The following PTCD2 variants were observed in gnomAD, a reference collection of about 807,000 sequenced individuals.
PTCD2 encodes pentatricopeptide repeat-containing protein 2, mitochondrial.
In PTCD2, 31 loss-of-function variants were observed where a neutral mutation model predicts 42.6. The observed-to-expected ratio is 0.73, with a 90% CI of 0.55 to 0.98. PTCD2 has a LOEUF of 0.98. PTCD2 is among the 50% of genes least tolerant of loss of function. The pLI is 0.00. For missense variants in PTCD2, 476 were observed against 454.8 expected (o/e 1.05, Z -0.42); for synonymous variants, 183 against 170.9 (o/e 1.07, Z -0.55).
chr5:72,352,116 G>C (rs1446375435), intron 8 of PTCD2, among the ~76,000 whole-genome samples: 1 of 152,056 alleles, frequency 6.6e-6, no homozygotes, highest in Non-Finnish European at 1.5e-5. Context: ...GCCCTCTCCA[G>C]TGTTACCCGT....
At chr5:72,327,995 GA>G (rs1177748682) in intron 3 of PTCD2, among the ~76,000 whole-genome samples, 7 of 151,896 alleles carry the variant, frequency 4.6e-5, no homozygotes, top group African/African-American at 7.3e-5. Flanking sequence ...TTTATAACAT[GA>G]AAAAAATGTC....
intron 4 of PTCD2, among the ~76,000 whole-genome samples, 189 bp from the exon 5 acceptor site, chr5:72,334,829 G>A (rs1751642960): frequency 6.6e-6 from 1 of 152,138 alleles, no homozygotes; most frequent in South Asian, 2.1e-4. Context: ...GATTATAGGC[G>A]TGAGCCACCA....
intron 9 of PTCD2, among the ~76,000 whole-genome samples, chr5:72,354,818 G>GA (rs1444119043): frequency 6.6e-6 from 1 of 152,156 alleles, no homozygotes; most frequent in African/African-American, 2.4e-5. Context: ...CAGCAGACTG[G>GA]AAAAAAGCCC....
chr5:72,354,032 A>G (rs541268982), intron 9 of PTCD2, among the ~76,000 whole-genome samples: 1 of 152,320 alleles, frequency 6.6e-6, no homozygotes, highest in Admixed American at 6.5e-5. Context: ...TGTGGCAAAA[A>G]GTCTACAAGC....
intron 8 of PTCD2, among the ~76,000 whole-genome samples, chr5:72,352,045 A>G (rs984524984): frequency 6.6e-6 from 1 of 152,234 alleles, no homozygotes; most frequent in Non-Finnish European, 1.5e-5. Context: ...GTCCAGAGTC[A>G]CTTAGCTGGT....
intron 2 of PTCD2, among the ~76,000 whole-genome samples, chr5:72,324,926 GT>G (rs1205652819): frequency 3.6e-4 from 52 of 145,496 alleles, no homozygotes; most frequent in African/African-American, 6.5e-4. Context: ...TTAAGGTGTT[GT>G]TTTTTTTTTT....
intron 4 of PTCD2, among the ~76,000 whole-genome samples, chr5:72,332,540 A>G (rs1423772227): frequency 6.6e-6 from 1 of 152,198 alleles, no homozygotes; most frequent in Non-Finnish European, 1.5e-5. Flanking sequence ...ATTTTTAATA[A>G]ACATATGTTA....
intron 4 of PTCD2, among the ~76,000 whole-genome samples, chr5:72,333,851 TGTTTTTTGGG>T (rs1484709225): frequency 6.6e-6 from 1 of 152,202 alleles, no homozygotes; most frequent in Non-Finnish European, 1.5e-5. Context: ...AACAACATAC[TGTTTTTTGGG>T]GTTTTTTTTG....
At chr5:72,321,901 T>TCCC (rs1464682040) in intron 1 of PTCD2, among the ~76,000 whole-genome samples, 2 of 152,178 alleles carry the variant, frequency 1.3e-5, no homozygotes, top group African/African-American at 4.8e-5. Flanking sequence ...TGTCAACCAG[T>TCCC]CCCCACACAG....
intron 1 of PTCD2, 117 bp from the exon 2 acceptor site, chr5:72,322,055 A>G (rs1750886124): frequency 4.9e-6 from 3 of 612,950 alleles, no homozygotes; most frequent in Admixed American, 2.7e-5. Flanking sequence ...TTATATTTGT[A>G]CCTGTCTAAT....
chr5:72,339,046 C>T (rs1751908212), intron 7 of PTCD2, among the ~76,000 whole-genome samples: 2 of 152,216 alleles, frequency 1.3e-5, no homozygotes, highest in Admixed American at 1.3e-4. Context: ...TAATTTAATG[C>T]TCTCCAAAGT....
chr5:72,348,939 A>G (rs536030538), intron 8 of PTCD2, among the ~76,000 whole-genome samples: 1 of 152,350 alleles, frequency 6.6e-6, no homozygotes, highest in African/African-American at 2.4e-5. Flanking sequence ...CACAGGGAGG[A>G]AAGGAGACAG....
chr5:72,337,840 C>T (rs1489530880), intron 6 of PTCD2, among the ~76,000 whole-genome samples: 2 of 152,090 alleles, frequency 1.3e-5, no homozygotes, highest in African/African-American at 4.8e-5. Context: ...GGCCAGAGGA[C>T]TTTTCTCCCC....
chr5:72,345,015 G>A (rs568459065), intron 8 of PTCD2, among the ~76,000 whole-genome samples: 18 of 152,296 alleles, frequency 1.2e-4, no homozygotes, highest in African/African-American at 4.1e-4. Flanking sequence ...CAGGGTTTGA[G>A]AGCAGACAAC....
In PTCD2 at chr5:72,358,658, A is replaced by G. The variant is rs1753006232; in HGVS notation, c.*231A>G. 3.6e-6 allele frequency: 2 copies of G among 547,988 alleles called. No individual in the cohort carries two copies. Among genetic ancestry groups the G allele is most frequent in the African/African-American group, 1.9e-5 (1 of 52,804 alleles). 33.9% of individuals were successfully genotyped at this position (547,988 alleles called of 1,614,324 possible). A position where few individuals can be genotyped will look rare whatever the true frequency, so the allele number is the denominator to read the frequency against. ...CCTCAGAAAGGCGCTTCCCTTTTGC[A>G]TGGCTGAGGATCCTTGAAGGAACCT... is the stretch of plus-strand genomic sequence containing the variant. On this transcript the variant is annotated 3_prime_UTR_variant, in exon 10 of 10. Coordinates refer to ENST00000380639, the MANE Select transcript of PTCD2 (RefSeq NM_024754.5).
At chr5:72,326,524 G>A (rs1751145960) in intron 2 of PTCD2, 88 bp from the exon 3 acceptor site, 4 of 1,443,718 alleles carry the variant, frequency 2.8e-6, no homozygotes, top group Admixed American at 3.6e-5. Context: ...CAGTGAGCCG[G>A]GGTTGGGCTT....
chr5:72,358,425 T>G lies in PTCD2; in HGVS notation c.1165T>G (p.Ter389GluextTer53), dbSNP rs759915844. 6.2e-7 allele frequency: 1 copy of G among 1,611,224 alleles called. No individual in the cohort carries two copies. Among genetic ancestry groups the G allele is most frequent in the Admixed American group, 1.7e-5 (1 of 59,942 alleles). ...ACTCAGCCAGTCCCTGTTGGCTGAG[T>G]AACCCTGGTTTCAGTCCACCTATGG... ...QPLSQSLLAE[*>E] Residue 389 changes from the stop codon to glutamate, a stop_lost, in exon 10 of 10, where the codon TAA (stop) becomes GAA (glutamate). Coordinates refer to ENST00000380639, the MANE Select transcript of PTCD2 (RefSeq NM_024754.5).
At position 72,358,712 on chromosome 5, in the gene PTCD2, C is replaced by A; in HGVS notation, c.*285C>A. ...CAGTCTCCGGTTCAGCTTCCGACAC[C>A]AGAGTGGAACCCAGTAAGCACCATC... On this transcript the variant is annotated 3_prime_UTR_variant, in exon 10 of 10. Coordinates refer to ENST00000380639, the MANE Select transcript of PTCD2 (RefSeq NM_024754.5). 2.3e-6 allele frequency: 1 copy of A among 436,912 alleles called. No individual in the cohort carries two copies. The highest frequency in any genetic ancestry group is 4.2e-6 in the Non-Finnish European group (1 of 239,402). The allele number at this position is 436,912 out of a possible 1,614,324, so 27.1% of individuals were successfully genotyped here. A position where few individuals can be genotyped will look rare whatever the true frequency, so the allele number is the denominator to read the frequency against.
At chr5:72,342,768 A>G (rs1580171096) in intron 7 of PTCD2, among the ~76,000 whole-genome samples, 194 bp from the exon 8 acceptor site, 2 of 152,256 alleles carry the variant, frequency 1.3e-5, no homozygotes, top group African/African-American at 4.8e-5. Context: ...GCAGGTTGTT[A>G]AAACATTCAA....
Sources: gnomAD v4.1 joint callset for allele counts (sites outside exome capture counted in the v4.1 genomes callset) on GRCh38, gnomAD v4.1.1 for gene constraint, MANE v1.5 for transcripts, NCBI Gene and HGNC (gene_info 2026-07-23, HGNC 2026-07-21) for gene names.